The following RAB3IL1 variants were observed in gnomAD, a reference collection of about 807,000 sequenced individuals.
RAB3IL1 encodes guanine nucleotide exchange factor for Rab-3A.
RAB3IL1 carries 37 observed loss-of-function variants against 49.2 expected under a neutral mutation model. That is an observed-to-expected ratio of 0.75 (90% CI 0.58 to 0.99). The LOEUF is 0.99. Among genes scored for constraint, RAB3IL1 ranks in the 50% least tolerant of loss-of-function variants. RAB3IL1 has a pLI of 0.00. For synonymous variants in RAB3IL1, 193 were observed against 213.9 expected, an observed-to-expected ratio of 0.90 and a Z score of 0.85; for missense variants, 484 against 513.0, an observed-to-expected ratio of 0.94 and a Z score of 0.55.
chr11:61,903,509 G>C (rs1939023136), intron 7 of RAB3IL1, among the ~76,000 whole-genome samples: 1 of 151,916 alleles, frequency 6.6e-6, no homozygotes, highest in Non-Finnish European at 1.5e-5. Flanking sequence ...CCTCTTTTCA[G>C]GTGGCAGCTA....
chr11:61,918,491 T>C (rs7125987), upstream of RAB3IL1, among the ~76,000 whole-genome samples: 151,165 of 152,354 alleles, frequency 0.99, 75,011 homozygotes, highest in Middle Eastern at 1. Flanking sequence ...CGTTTGAGGA[T>C]ACATTTTATT....
intron 5 of RAB3IL1, 26 bp from the exon 6 acceptor site, chr11:61,904,908 G>A (rs746974792): frequency 1.3e-6 from 2 of 1,537,336 alleles, no homozygotes; most frequent in Admixed American, 3.6e-5. Context: ...AGCGAGGGTG[G>A]GGGCGGTCAG....
chr11:61,933,095 A>G, the RAB3IL1 span, among the ~76,000 whole-genome samples: 11 of 152,126 alleles, frequency 7.2e-5, no homozygotes, highest in Non-Finnish European at 1.0e-4. Flanking sequence ...TTGCTGTATA[A>G]TATTCCATGA....
intron 2 of RAB3IL1, 85 bp downstream of exon 2, chr11:61,907,969 T>A: frequency 6.6e-7 from 1 of 1,521,452 alleles, no homozygotes; most frequent in Non-Finnish European, 8.8e-7. Context: ...CTTGGGCACA[T>A]CTCTGGGCAC....
chr11:61,946,070 G>A, the RAB3IL1 span, among the ~76,000 whole-genome samples: 12 of 152,104 alleles, frequency 7.9e-5, no homozygotes, highest in Non-Finnish European at 1.6e-4. Flanking sequence ...TCTGGCTTCC[G>A]GGCCCTGGAC....
chr11:61,922,580 CTG>C (rs1565371444), upstream of RAB3IL1, among the ~76,000 whole-genome samples: 3 of 147,120 alleles, frequency 2.0e-5, no homozygotes, highest in Admixed American at 6.9e-5. Flanking sequence ...ACAGTGTAGA[CTG>C]AAAGAAGTGT....
rs1251358959 is a variant in RAB3IL1, at chr11:61,904,888, G to A, written c.658-6C>T. On this transcript the variant is annotated splice_region_variant and splice_polypyrimidine_tract_variant and intron_variant, in intron 5 of 9. Coordinates refer to ENST00000394836, the MANE Select transcript of RAB3IL1 (RefSeq NM_013401.4). Reference sequence around the variant, plus strand: ...GCAAACAGGATTGTGTCCACCTGTGGGGGAGGGCAAGCGAGGGTGGGGGCG... The same window carrying A: ...GCAAACAGGATTGTGTCCACCTGTGAGGGAGGGCAAGCGAGGGTGGGGGCG... 1.3e-6 allele frequency: 2 copies of A among 1,585,808 alleles called. No individual in the cohort carries two copies. Among genetic ancestry groups the A allele is most frequent in the South Asian group, 1.2e-5 (1 of 85,782 alleles).
chr11:61,943,728 T>C, the RAB3IL1 span, among the ~76,000 whole-genome samples: 25 of 152,302 alleles, frequency 1.6e-4, no homozygotes, highest in Admixed American at 5.9e-4. Context: ...TTAACATCGT[T>C]TGCCATCTGG....
At chr11:61,903,583 G>T (rs1177304988) in intron 7 of RAB3IL1, among the ~76,000 whole-genome samples, 3 of 151,652 alleles carry the variant, frequency 2.0e-5, no homozygotes, top group African/African-American at 7.3e-5. Flanking sequence ...GAGTGCAGTG[G>T]TGCAATCTCA....
upstream of RAB3IL1, among the ~76,000 whole-genome samples, chr11:61,924,906 C>T (rs77475478): frequency 6.4e-3 from 980 of 152,272 alleles, 7 homozygotes; most frequent in East Asian, 0.024. Context: ...AAGGAAAGCT[C>T]AGCCACCTTG....
intron 1 of RAB3IL1, among the ~76,000 whole-genome samples, chr11:61,916,771 A>C (rs1297416322): frequency 6.6e-6 from 1 of 152,060 alleles, no homozygotes; most frequent in Non-Finnish European, 1.5e-5. Flanking sequence ...GCCTGAACAG[A>C]CACAGCCACT....
Position 61,908,242 on chromosome 11 carries a change from T to C in RAB3IL1, c.76A>G (p.Thr26Ala), listed in dbSNP as rs34281659. The C allele has an allele frequency of 0.055, 84,572 of 1,533,914 alleles. 2,842 individuals carry two copies. Among genetic ancestry groups the C allele is most frequent in the Non-Finnish European group, 0.056 (63,298 of 1,139,002 alleles). Residue 26 changes from threonine (T) to alanine (A), a missense_variant, in exon 2 of 10, where the codon ACG becomes GCG. Physicochemically the swap from Thr to Ala is moderately conservative, Grantham distance 58. Transcript: ENST00000394836. Reference protein sequence around the residue: ...LAAVPVPWKSTDPCQGHRESP... With the variant: ...LAAVPVPWKSADPCQGHRESP... ...TCCCTGTGGCCTTGGCAGGGGTCCG[T>C]GCTCTTCCAGGGGACCGGGACAGCT...
upstream of RAB3IL1, chr11:61,917,688 G>A (rs925032775): frequency 5.9e-6 from 3 of 505,986 alleles, no homozygotes; most frequent in Non-Finnish European, 7.6e-6. Context: ...GCCGGGACAG[G>A]GAGACCACGG....
the RAB3IL1 span, among the ~76,000 whole-genome samples, chr11:61,945,440 G>A: frequency 4.9e-4 from 75 of 152,352 alleles, 1 homozygote; most frequent in South Asian, 0.013. Context: ...GGGGCAGCGG[G>A]GAGTTGCTGC....
At chr11:61,904,959 G>A (rs1056320891) in intron 5 of RAB3IL1, 77 bp from the exon 6 acceptor site, 4 of 1,106,000 alleles carry the variant, frequency 3.6e-6, no homozygotes, top group Non-Finnish European at 5.2e-6. Flanking sequence ...TGAGCTGAAG[G>A]GGAGCGAGGG....
the RAB3IL1 span, among the ~76,000 whole-genome samples, chr11:61,927,549 C>T: frequency 6.6e-6 from 1 of 152,084 alleles, no homozygotes; most frequent in Admixed American, 6.6e-5. Flanking sequence ...AGAGTTGGGG[C>T]TGGCAAGAGA....
upstream of RAB3IL1, among the ~76,000 whole-genome samples, chr11:61,922,701 A>C (rs977407984): frequency 1.0e-4 from 15 of 150,000 alleles, no homozygotes; most frequent in South Asian, 2.1e-4. Flanking sequence ...CTCACACCCC[A>C]CCCTGCCCCG....
Position 61,907,560 on chromosome 11 carries a change from T to C in RAB3IL1, c.360+5A>G, listed in dbSNP as rs768627617. ...CCAAGTTGTTCCCGCGCCCAGCCGG[T>C]GTACCTCAAACAGGCTGGCCGTCAG... On this transcript the variant is annotated splice_donor_5th_base_variant and intron_variant, in intron 3 of 9. Coordinates refer to ENST00000394836, the MANE Select transcript of RAB3IL1 (RefSeq NM_013401.4). 5.6e-6 allele frequency: 9 copies of C among 1,613,898 alleles called. No individual in the cohort carries two copies. In the Admixed American group the frequency reaches 6.7e-5, roughly 12 times the overall value.
In RAB3IL1 at chr11:61,906,515, A is replaced by G. The variant is rs1474584850; in HGVS notation, c.608T>C (p.Val203Ala). ...KSTSSTLCPA[V>A]CPAAGHTLTP... ...GAGGGTGTGTCCCGCAGCGGGACAC[A>G]CGGCGGGGCAGAGGGTGCTGCTGGT... Residue 203 changes from valine to alanine, a missense_variant, in exon 5 of 10, where the codon GTG becomes GCG. Coordinates refer to ENST00000394836, the MANE Select transcript of RAB3IL1 (RefSeq NM_013401.4). This position sits in a 1 kb window ranked among gnomAD's most constrained non-coding sequence, Gnocchi z 4.6. 2 of 1,554,452 alleles carry G rather than the reference A, an allele frequency of 1.3e-6. No individual in the cohort carries two copies. Among genetic ancestry groups the G allele is most frequent in the South Asian group, 2.4e-5 (2 of 84,770 alleles).
Sources: gnomAD v4.1 joint callset for allele counts (sites outside exome capture counted in the v4.1 genomes callset) on GRCh38, gnomAD v4.1.1 for gene constraint, Gnocchi (gnomAD v3.1) non-coding constraint, MANE v1.5 for transcripts, NCBI Gene and HGNC (gene_info 2026-07-23, HGNC 2026-07-21) for gene names.